Variants in MAGI2 observed in about 807,000 individuals in gnomAD.
MAGI2 encodes membrane-associated guanylate kinase, WW and PDZ domain-containing protein 2.
MAGI2 carries 35 observed loss-of-function variants against 133.3 expected under a neutral mutation model. The ratio of observed to expected loss-of-function variants is 0.26; its 90% CI spans 0.20 to 0.35. The LOEUF is 0.35. Among genes scored for constraint, MAGI2 ranks in the 10% least tolerant of loss-of-function variants. The probability of loss-of-function intolerance (pLI) is 1.00; values close to 1 mark genes in which losing one functional copy is unlikely to be tolerated. For missense variants in MAGI2, 1,636 were observed against 1,863.4 expected, an observed-to-expected ratio of 0.88 and a Z score of 2.25; for synonymous variants, 729 against 710.6, an observed-to-expected ratio of 1.03 and a Z score of -0.41.
At chr7:78,491,380 C>T (rs1028508428) in intron 5 of MAGI2, among the ~76,000 whole-genome samples, 3 of 152,060 alleles carry the variant, frequency 2.0e-5, no homozygotes, top group African/African-American at 4.8e-5. Flanking sequence ...TGTGACATAA[C>T]GACCCTTGGG....
intron 3 of MAGI2, among the ~76,000 whole-genome samples, chr7:78,608,465 GTGTA>G (rs1012370054): frequency 6.1e-5 from 9 of 148,492 alleles, no homozygotes; most frequent in East Asian, 3.9e-4. Context: ...ATATATGTGT[GTGTA>G]TGTATATATA....
At chr7:78,599,068 A>C (rs1804912975) in intron 3 of MAGI2, among the ~76,000 whole-genome samples, 1 of 152,170 alleles carries the variant, frequency 6.6e-6, no homozygotes, top group Admixed American at 6.5e-5. Context: ...AAGGGAGATA[A>C]AGATGCAGAT....
chr7:78,132,448 T>A (rs1178967637), intron 18 of MAGI2, among the ~76,000 whole-genome samples: 1 of 152,252 alleles, frequency 6.6e-6, no homozygotes, highest in Non-Finnish European at 1.5e-5. Context: ...GTAAGCATGC[T>A]TACAAGGCCC....
intron 20 of MAGI2, among the ~76,000 whole-genome samples, chr7:78,099,507 C>T (rs1375871297): frequency 6.6e-6 from 1 of 152,132 alleles, no homozygotes; most frequent in African/African-American, 2.4e-5. Context: ...ATATTCCCAA[C>T]ACAGATTTGA....
intron 2 of MAGI2, among the ~76,000 whole-genome samples, chr7:78,981,354 T>C (rs961800463): frequency 2.8e-4 from 42 of 151,668 alleles, no homozygotes; most frequent in Middle Eastern, 3.2e-3. Flanking sequence ...ACATTCTGAA[T>C]GATTTCAGCA....
At chr7:79,446,466 A>G (rs1278401219) in intron 1 of MAGI2, among the ~76,000 whole-genome samples, 2 of 151,830 alleles carry the variant, frequency 1.3e-5, no homozygotes, top group Non-Finnish European at 2.9e-5. Flanking sequence ...CATGGTTTTG[A>G]CAGTGATTTT....
intron 3 of MAGI2, among the ~76,000 whole-genome samples, chr7:78,611,194 A>G (rs1466711618): frequency 6.6e-6 from 1 of 152,178 alleles, no homozygotes; most frequent in African/African-American, 2.4e-5. Context: ...CTGACAAGAG[A>G]GTTCTTAGTC....
chr7:78,290,495 A>C (rs1358479228), intron 9 of MAGI2, among the ~76,000 whole-genome samples: 2 of 152,168 alleles, frequency 1.3e-5, no homozygotes, highest in Non-Finnish European at 2.9e-5. Flanking sequence ...CACAATAATA[A>C]TGGGAGACTT....
intron 3 of MAGI2, among the ~76,000 whole-genome samples, chr7:78,559,058 C>A (rs1224042699): frequency 6.6e-5 from 9 of 137,156 alleles, no homozygotes; most frequent in Non-Finnish European, 1.4e-4. Flanking sequence ...TTCTATGTGT[C>A]CCTAAGTTAT....
intron 2 of MAGI2, among the ~76,000 whole-genome samples, chr7:78,759,156 G>C (rs1272221026): frequency 6.6e-6 from 1 of 151,994 alleles, no homozygotes; most frequent in Non-Finnish European, 1.5e-5. Context: ...AGCGATTAAT[G>C]TCAATAAAAT....
At chr7:79,403,881 T>C (rs1412511430) in intron 1 of MAGI2, among the ~76,000 whole-genome samples, 1 of 152,172 alleles carries the variant, frequency 6.6e-6, no homozygotes, top group Non-Finnish European at 1.5e-5. Flanking sequence ...TAGTGTATGA[T>C]ATGAATTTCT....
chr7:78,801,688 G>A (rs917169404), intron 2 of MAGI2, among the ~76,000 whole-genome samples: 1 of 152,086 alleles, frequency 6.6e-6, no homozygotes, highest in Non-Finnish European at 1.5e-5. Flanking sequence ...TTTCATGTAA[G>A]TCATTTAGAA....
At chr7:78,918,667 AG>A (rs1293695009) in intron 2 of MAGI2, among the ~76,000 whole-genome samples, 1 of 152,164 alleles carries the variant, frequency 6.6e-6, no homozygotes. Context: ...ATTTTTGAAA[AG>A]GTTATATAAC....
At chr7:79,173,118 CATAAA>C (rs546207222) in intron 1 of MAGI2, 2 of 151,834 alleles carry the variant, frequency 1.3e-5, no homozygotes, top group African/African-American at 4.8e-5. Context: ...AATTTTCTTA[CATAAA>C]ATAATGTTAG....
At chr7:78,989,853 T>G (rs567553601) in intron 2 of MAGI2, among the ~76,000 whole-genome samples, 224 of 152,124 alleles carry the variant, frequency 1.5e-3, no homozygotes, top group Non-Finnish European at 2.3e-3. Context: ...TCAGCTGCTG[T>G]TGCCTTTCTT....
chr7:78,928,960 C>T (rs2151651755), intron 2 of MAGI2, among the ~76,000 whole-genome samples: 1 of 152,000 alleles, frequency 6.6e-6, no homozygotes, highest in Admixed American at 6.6e-5. Flanking sequence ...CATCCAAATG[C>T]CCTATAAATT....
intron 2 of MAGI2, among the ~76,000 whole-genome samples, chr7:78,660,747 C>T (rs1186759376): frequency 3.3e-5 from 5 of 152,172 alleles, no homozygotes; most frequent in African/African-American, 1.2e-4. Context: ...GCTTAAAATA[C>T]ATTAACATGC....
At chr7:79,375,452 A>T (rs558287689) in intron 1 of MAGI2, among the ~76,000 whole-genome samples, 116 of 152,160 alleles carry the variant, frequency 7.6e-4, no homozygotes, top group African/African-American at 2.5e-3. Flanking sequence ...CTAAAGTAAG[A>T]CCAATAGAAA....
intron 2 of MAGI2, among the ~76,000 whole-genome samples, chr7:78,749,346 C>A (rs1308808644): frequency 6.6e-6 from 1 of 152,102 alleles, no homozygotes; most frequent in Non-Finnish European, 1.5e-5. Context: ...CCATAACAGG[C>A]ACAAAGTCGT....
Sources: gnomAD v4.1 joint callset for allele counts (sites outside exome capture counted in the v4.1 genomes callset) on GRCh38, gnomAD v4.1.1 for gene constraint, MANE v1.5 for transcripts, NCBI Gene and HGNC (gene_info 2026-07-23, HGNC 2026-07-21) for gene names.